The following BCAN variants were observed in gnomAD, a reference collection of about 807,000 sequenced individuals.
BCAN encodes brevican.
Under a neutral mutation model 92.4 loss-of-function variants are expected in BCAN, and 51 were observed. The observed-to-expected ratio is 0.55, with a 90% CI of 0.44 to 0.70. The LOEUF is 0.70. Ranked by LOEUF, BCAN falls within the 30% of genes least tolerant of loss-of-function variation. BCAN has a pLI of 0.00. For synonymous variants in BCAN, 501 were observed against 505.2 expected, an observed-to-expected ratio of 0.99 and a Z score of 0.11; for missense variants, 1,140 against 1,212.1, an observed-to-expected ratio of 0.94 and a Z score of 0.88.
chr1:156,652,893 G>A lies in BCAN; in HGVS notation c.1942+1G>A. The A allele has an allele frequency of 6.2e-7, 1 of 1,613,450 alleles. No homozygotes were observed. ...GGAGTGGCCGTGGTCCCCGCATCAGGTAATTCTGCCCAAGGCTCAACTGCC... is the reference window on the plus strand; with the variant it reads ...GGAGTGGCCGTGGTCCCCGCATCAGATAATTCTGCCCAAGGCTCAACTGCC... On this transcript the variant is annotated splice_donor_variant, in intron 8 of 13. Coordinates refer to ENST00000329117, the MANE Select transcript of BCAN (RefSeq NM_021948.5). LOFTEE classifies it high-confidence loss of function.
chr1:156,647,509 G>A lies in BCAN; in HGVS notation c.468G>A (p.Gly156=), dbSNP rs1679023395. ...TCAGGGGTCCTCTCTGCCCCACAGG[G>A]GTCGTCTTTCTCTACCGAGAGGGCT... ...SSDAVEVKVK[G]VVFLYREGSA... The change falls in exon 4 of 14, where the codon GGG becomes GGA. Residue 156 remains glycine (G), a splice_region_variant and synonymous_variant. Coordinates refer to ENST00000329117, the MANE Select transcript of BCAN (RefSeq NM_021948.5). This position sits in a 1 kb window ranked among gnomAD's most constrained non-coding sequence, Gnocchi z 4.8. 1 of 1,557,870 alleles carries A rather than the reference G, an allele frequency of 6.4e-7. No homozygotes were observed. The highest frequency in any genetic ancestry group is 8.7e-7 in the Non-Finnish European group (1 of 1,154,288).
chr1:156,650,153 A>AGTAGTAG (rs1557988540), intron 6 of BCAN, among the ~76,000 whole-genome samples: 4 of 150,822 alleles, frequency 2.7e-5, no homozygotes, highest in African/African-American at 9.9e-5. Context: ...AGTAGTAGTA[A>AGTAGTAG]TAATAATAAT....
Position 156,648,721 on chromosome 1 carries a change from A to C in BCAN, c.923A>C (p.Asp308Ala). The change falls in exon 6 of 14, where the codon GAT becomes GCT. Residue 308 changes from aspartate to alanine, a missense_variant. Asp to Ala is a moderately radical substitution (Grantham distance 126). Coordinates refer to ENST00000329117, the MANE Select transcript of BCAN (RefSeq NM_021948.5). ...CACTGCAGCCCAGGGTGGCTAGCTG[A>C]TGGCAGTGTGCGCTACCCCATCGTC... ...LDHCSPGWLADGSVRYPIVTP... is the reference protein window; with the variant it reads ...LDHCSPGWLAAGSVRYPIVTP... 1 of 1,613,678 alleles carries C rather than the reference A, an allele frequency of 6.2e-7. No homozygotes were observed. The highest frequency in any genetic ancestry group is 8.5e-7 in the Non-Finnish European group (1 of 1,179,648).
Position 156,658,036 on chromosome 1 carries a change from C to T in BCAN, c.2293-91C>T. On this transcript the variant is annotated intron_variant, in intron 11 of 13. Transcript: ENST00000329117. The surrounding 1 kb of genome is among the most constrained non-coding windows in gnomAD (Gnocchi z 4.4). Reference sequence around the variant, plus strand: ...GCCCTAACCTTCCCTCTCCTGGGGCCCCGCTCACCAGCCCTCCTCCCCAGA... The same window carrying T: ...GCCCTAACCTTCCCTCTCCTGGGGCTCCGCTCACCAGCCCTCCTCCCCAGA... 2.0e-6 allele frequency: 3 copies of T among 1,485,184 alleles called. No homozygotes were observed. Among genetic ancestry groups the T allele is most frequent in the East Asian group, 2.3e-5 (1 of 43,266 alleles). 92.0% of individuals were successfully genotyped at this position (1,485,184 alleles called of 1,614,324 possible).
At chr1:156,644,203 C>T (rs1678887866) in intron 1 of BCAN, 1 of 152,274 alleles carries the variant, frequency 6.6e-6, no homozygotes, top group Non-Finnish European at 1.5e-5. Flanking sequence ...GCCCTCTTCC[C>T]TCACTCTCCC....
In BCAN at chr1:156,653,089, G is replaced by A. The variant is rs559801999; in HGVS notation, c.1942+197G>A. The A allele has an allele frequency of 1.5e-5, 21 of 1,433,142 alleles. No homozygotes were observed. The East Asian group carries it at 2.3e-4, about 16-fold the overall frequency. The allele number at this position is 1,433,142 out of a possible 1,614,324, so 88.8% of individuals were successfully genotyped here. ...CACCTTGTGGGTATCTCAGCTCTCC[G>A]CGTCTTTACCCTGTGATCCCAGCCC... On this transcript the variant is annotated intron_variant, in intron 8 of 13. Transcript: ENST00000329117.
chr1:156,655,763 T>C (rs1221007835), intron 8 of BCAN, among the ~76,000 whole-genome samples: 2 of 152,172 alleles, frequency 1.3e-5, no homozygotes, highest in African/African-American at 4.8e-5. Flanking sequence ...CACCCTCCAC[T>C]GTTGCTGCGG....
chr1:156,658,795 C>T lies in BCAN; in HGVS notation c.2628+62C>T. Reference sequence around the variant, plus strand: ...AGTAGCCAACAGTAGCCTTGGACTCCACTTAAAGTCCTGCCTGTCACTGGC... The same window carrying T: ...AGTAGCCAACAGTAGCCTTGGACTCTACTTAAAGTCCTGCCTGTCACTGGC... On this transcript the variant is annotated intron_variant, in intron 13 of 13. Coordinates refer to ENST00000329117, the MANE Select transcript of BCAN (RefSeq NM_021948.5). This position sits in a 1 kb window ranked among gnomAD's most constrained non-coding sequence, Gnocchi z 4.4. 1.3e-6 allele frequency: 2 copies of T among 1,594,876 alleles called. No homozygotes were observed. Among genetic ancestry groups the T allele is most frequent in the Non-Finnish European group, 1.7e-6 (2 of 1,166,000 alleles).
Position 156,648,813 on chromosome 1 carries a change from A to T in BCAN, c.1015A>T (p.Thr339Ser). Residue 339 changes from threonine (T) to serine (S), a missense_variant, in exon 6 of 14, where the codon ACT becomes TCT. Physicochemically the swap from Thr to Ser is moderately conservative, Grantham distance 58. Transcript: ENST00000329117. ...GACTCTCTTCCTCTTCCCCAACCAG[A>T]CTGGCTTCCCCAATAAGCACAGCCG... is the stretch of plus-strand genomic sequence containing the variant. ...VKTLFLFPNQ[T>S]GFPNKHSRFN... 1 of 1,591,828 alleles carries T rather than the reference A, an allele frequency of 6.3e-7. No homozygotes were observed. Among genetic ancestry groups the T allele is most frequent in the Non-Finnish European group, 8.6e-7 (1 of 1,162,408 alleles).
chr1:156,657,592 G>A, intron 10 of BCAN, 83 bp from the exon 11 acceptor site: 1 of 1,137,296 alleles, frequency 8.8e-7, no homozygotes, highest in Non-Finnish European at 1.3e-6. Flanking sequence ...GGTTTCCAAG[G>A]CAGTCACCGC....
chr1:156,643,072 G>A (rs1678843211), intron 1 of BCAN: 1 of 152,110 alleles, frequency 6.6e-6, no homozygotes, highest in Non-Finnish European at 1.5e-5. Flanking sequence ...CTGCCTACAT[G>A]GTTCTAATAG....
intron 6 of BCAN, 46 bp from the exon 7 acceptor site, chr1:156,651,410 A>G (rs1023335380): frequency 2.0e-6 from 3 of 1,514,186 alleles, no homozygotes; most frequent in Non-Finnish European, 1.8e-6. Flanking sequence ...CTGGGAGGGC[A>G]GAGCTACCTA....
chr1:156,647,671 T>C lies in BCAN; in HGVS notation c.630T>C (p.Asp210=). 1 of 1,593,754 alleles carries C rather than the reference T, an allele frequency of 6.3e-7. No homozygotes were observed. The highest frequency in any genetic ancestry group is 1.1e-5 in the South Asian group (1 of 88,226). The part of the protein sequence containing the change: ...YEQCDAGWLS[D]QTVRYPIQTP... ...AATGTGATGCTGGCTGGCTGTCGGA[T>C]CAGACCGTGAGGTGGGCAGGGGCTG... Residue 210 remains aspartate, a synonymous_variant, in exon 4 of 14, where the codon GAT becomes GAC. Transcript: ENST00000329117. The surrounding 1 kb of genome is among the most constrained non-coding windows in gnomAD (Gnocchi z 4.8).
intron 6 of BCAN, among the ~76,000 whole-genome samples, chr1:156,649,114 T>A (rs1679079157): frequency 6.6e-6 from 1 of 152,216 alleles, no homozygotes; most frequent in African/African-American, 2.4e-5. Flanking sequence ...CAGTAGTCCA[T>A]GCCTTGTTTG....
intron 13 of BCAN, 23 bp from the exon 14 acceptor site, chr1:156,659,004 G>T: frequency 6.4e-7 from 1 of 1,567,694 alleles, no homozygotes; most frequent in Non-Finnish European, 8.7e-7. Flanking sequence ...CCAGGGTGGA[G>T]GGTGAGTGTG....
chr1:156,654,030 G>A (rs149541919), intron 8 of BCAN, among the ~76,000 whole-genome samples: 1,538 of 152,068 alleles, frequency 0.01, 13 homozygotes, highest in Non-Finnish European at 0.017. Flanking sequence ...TACAACTTCC[G>A]TCTTCTCCAC....
At chr1:156,655,919 C>T (rs1332759104) in intron 8 of BCAN, among the ~76,000 whole-genome samples, 1 of 152,184 alleles carries the variant, frequency 6.6e-6, no homozygotes, top group African/African-American at 2.4e-5. Context: ...CACACAGAAG[C>T]CAGATAAGAG....
rs1427835495 is a variant in BCAN at position 156,658,570 on chromosome 1, C to T, written c.2465C>T (p.Pro822Leu). 1.2e-6 allele frequency: 2 copies of T among 1,613,962 alleles called. No homozygotes were observed. Among genetic ancestry groups the T allele is most frequent in the Non-Finnish European group, 8.5e-7 (1 of 1,180,028 alleles). The change falls in exon 13 of 14, where the codon CCC (proline) becomes CTC (leucine). Residue 822 changes from proline (P) to leucine (L), a missense_variant. By Grantham distance (98) the Pro-to-Leu change is moderately conservative. Coordinates refer to ENST00000329117, the MANE Select transcript of BCAN (RefSeq NM_021948.5). The surrounding 1 kb of genome is among the most constrained non-coding windows in gnomAD (Gnocchi z 4.4). ...LVSCGPPPEL[P>L]LAQVFGRPRL... ...TCCTGTGGGCCGCCACCGGAGCTGCCCCTGGCTCAAGTGTTCGGCCGCCCA... is the reference window on the plus strand; with the variant it reads ...TCCTGTGGGCCGCCACCGGAGCTGCTCCTGGCTCAAGTGTTCGGCCGCCCA...
intron 9 of BCAN, 109 bp from the exon 10 acceptor site, chr1:156,656,829 T>C: frequency 6.8e-7 from 1 of 1,461,968 alleles, no homozygotes; most frequent in East Asian, 2.3e-5. Context: ...CCTGTCCCCC[T>C]TAGTCCCGCC....
Sources: gnomAD v4.1 joint callset for allele counts (sites outside exome capture counted in the v4.1 genomes callset) on GRCh38, gnomAD v4.1.1 for gene constraint, Gnocchi (gnomAD v3.1) non-coding constraint, MANE v1.5 for transcripts, NCBI Gene and HGNC (gene_info 2026-07-23, HGNC 2026-07-21) for gene names.